The following PHACTR2 variants were observed in gnomAD, a reference collection of about 807,000 sequenced individuals.
PHACTR2 encodes the protein chromosome 6 open reading frame 56.
PHACTR2 carries 30 observed loss-of-function variants against 76.0 expected under a neutral mutation model. That is an observed-to-expected ratio of 0.39 (90% CI 0.30 to 0.54). The LOEUF is 0.54. PHACTR2 is among the 20% of genes least tolerant of loss of function. The pLI, the probability that PHACTR2 is intolerant of heterozygous loss-of-function variation, is 0.61. For synonymous variants in PHACTR2, 292 were observed against 292.5 expected, an observed-to-expected ratio of 1.00 and a Z score of 0.02; for missense variants, 696 against 781.1, an observed-to-expected ratio of 0.89 and a Z score of 1.30.
chr6:143,551,869 C>A (rs1775100548), intron 1 of PHACTR2, among the ~76,000 whole-genome samples: 1 of 152,132 alleles, frequency 6.6e-6, no homozygotes, highest in Non-Finnish European at 1.5e-5. Context: ...CTTTGACTTG[C>A]TGGTTGGATT....
Position 143,742,270 on chromosome 6 carries a change from A to G in PHACTR2, c.215-6715A>G, listed in dbSNP as rs530986232. On this transcript the variant is annotated intron_variant, in intron 2 of 12. Transcript: ENST00000440869. This position sits in a 1 kb window ranked among gnomAD's most constrained non-coding sequence, Gnocchi z 4.5. ...CAGGCGTGGTTGGATCCAGGTGCTT[A>G]CAAGCTATCTCATTAAGAACCTGTC... 1.6e-4 allele frequency among the ~76,000 whole-genome samples: 24 copies of G among 152,186 alleles called. No homozygotes were observed. Among genetic ancestry groups the G allele is most frequent in the Non-Finnish European group, 2.9e-4 (20 of 68,032 alleles).
At chr6:143,657,222 C>T (rs1192537844) in intron 1 of PHACTR2, among the ~76,000 whole-genome samples, 1 of 150,872 alleles carries the variant, frequency 6.6e-6, no homozygotes, top group Admixed American at 6.6e-5. Flanking sequence ...GCACATTCTG[C>T]ACATGTATCC....
chr6:143,631,364 A>C (rs1225629805), intron 1 of PHACTR2, among the ~76,000 whole-genome samples: 2 of 151,946 alleles, frequency 1.3e-5, no homozygotes, highest in Non-Finnish European at 2.9e-5. Context: ...CTAATTTAAA[A>C]AAAATTTTTT....
At chr6:143,685,584 A>G (rs1475080806) in intron 1 of PHACTR2, among the ~76,000 whole-genome samples, 1 of 151,944 alleles carries the variant, frequency 6.6e-6, no homozygotes, top group Non-Finnish European at 1.5e-5. Flanking sequence ...TTTATAAATG[A>G]GGAAAACCAA....
At position 143,791,213 on chromosome 6, in the gene PHACTR2, T is replaced by C. The variant is rs116538965; in HGVS notation, c.1845+2303T>C. 0.022 allele frequency among the ~76,000 whole-genome samples: 3,403 copies of C among 152,300 alleles called. 47 individuals carry two copies. The highest frequency in any genetic ancestry group is 0.042 in the African/African-American group (1,759 of 41,554). On this transcript the variant is annotated intron_variant, in intron 11 of 12. Transcript: ENST00000440869. The surrounding 1 kb of genome is among the most constrained non-coding windows in gnomAD (Gnocchi z 4.7). The stretch of plus-strand genomic sequence containing the variant: ...TCAGTTTGCTTGGTCATCTGTATTA[T>C]ATGTTTGTTTTCTATGTCATTATTT...
In PHACTR2 at chr6:143,652,232, A is replaced by T. The variant is rs553484361; in HGVS notation, c.13+43910A>T. Reference sequence around the variant, plus strand: ...TCTTGAAATACATTTCTTTAAATACATACCATTTCTTGAAATACATTTATT... The same window carrying T: ...TCTTGAAATACATTTCTTTAAATACTTACCATTTCTTGAAATACATTTATT... On this transcript the variant is annotated intron_variant, in intron 1 of 11. Transcript: ENST00000305766. The surrounding 1 kb of genome is among the most constrained non-coding windows in gnomAD (Gnocchi z 4.5). Among the ~76,000 whole-genome samples, 6 of 152,358 alleles carry T rather than the reference A, an allele frequency of 3.9e-5. No homozygotes were observed. In the East Asian group the frequency reaches 1.2e-3, roughly 29 times the overall value.
In PHACTR2 at chr6:143,809,253, C is replaced by T. The variant is rs1776125478; in HGVS notation, c.1922+2120C>T. 6.6e-6 allele frequency among the ~76,000 whole-genome samples: 1 copy of T among 152,158 alleles called. No individual in the cohort carries two copies. The highest frequency in any genetic ancestry group is 2.1e-4 in the South Asian group (1 of 4,826). On this transcript the variant is annotated intron_variant, in intron 12 of 12. Coordinates refer to ENST00000440869, the MANE Select transcript of PHACTR2 (RefSeq NM_001100164.2). The surrounding 1 kb of genome is among the most constrained non-coding windows in gnomAD (Gnocchi z 4.2). ...ATTTTATGAAAAATAAATATTTATA[C>T]TAAAAGAGGTTCTTTCTGTTCTGTT...
In PHACTR2 at chr6:143,731,423, G is replaced by C. The variant is rs960886414; in HGVS notation, c.215-17562G>C. 6.6e-6 allele frequency among the ~76,000 whole-genome samples: 1 copy of C among 152,150 alleles called. No individual in the cohort carries two copies. Among genetic ancestry groups the C allele is most frequent in the Admixed American group, 6.5e-5 (1 of 15,280 alleles). ...CTGCCTCAGCCTCCGGAGTAGCTGG[G>C]ATTATAGGCATGAGCCACCACGCCC... On this transcript the variant is annotated intron_variant, in intron 2 of 12. Transcript: ENST00000440869. This position sits in a 1 kb window ranked among gnomAD's most constrained non-coding sequence, Gnocchi z 4.9.
At chr6:143,644,640 A>G (rs975571842) in intron 1 of PHACTR2, among the ~76,000 whole-genome samples, 4 of 152,012 alleles carry the variant, frequency 2.6e-5, no homozygotes, top group Admixed American at 2.0e-4. Context: ...CTTTAAAGTC[A>G]GGATATGTAT....
At chr6:143,649,513 C>T (rs1261476106) in intron 1 of PHACTR2, among the ~76,000 whole-genome samples, 1 of 152,176 alleles carries the variant, frequency 6.6e-6, no homozygotes, top group Non-Finnish European at 1.5e-5. Flanking sequence ...TAGGCTTCAT[C>T]CTCAGGATGC....
At position 143,757,314 on chromosome 6, in the gene PHACTR2, G is replaced by A. The variant is rs1037587742; in HGVS notation, c.455-3087G>A. Among the ~76,000 whole-genome samples, 1 of 152,224 alleles carries A rather than the reference G, an allele frequency of 6.6e-6. No homozygotes were observed. The highest frequency in any genetic ancestry group is 1.5e-5 in the Non-Finnish European group (1 of 68,042). On this transcript the variant is annotated intron_variant, in intron 4 of 12. Coordinates refer to ENST00000440869, the MANE Select transcript of PHACTR2 (RefSeq NM_001100164.2). The surrounding 1 kb of genome is among the most constrained non-coding windows in gnomAD (Gnocchi z 4.2). ...CAAACGGGCAATTGTAGTGCAAGATGCGAAGTACCGTAGAAGGCCTGAGCA... is the reference window on the plus strand; with the variant it reads ...CAAACGGGCAATTGTAGTGCAAGATACGAAGTACCGTAGAAGGCCTGAGCA...
intron 6 of PHACTR2, among the ~76,000 whole-genome samples, chr6:143,771,323 T>C (rs962139432): frequency 1.4e-5 from 2 of 146,072 alleles, no homozygotes; most frequent in Non-Finnish European, 3.0e-5. Flanking sequence ...GCAGTCTCGA[T>C]TTCCCAGGCT....
At chr6:143,612,369 G>A (rs183383409) in intron 1 of PHACTR2, among the ~76,000 whole-genome samples, 231 of 152,316 alleles carry the variant, frequency 1.5e-3, no homozygotes, top group Non-Finnish European at 2.2e-3. Context: ...TCATGCCAAA[G>A]TTCCTGAACA....
chr6:143,602,289 A>G lies in PHACTR2; in HGVS notation c.217+65082A>G, dbSNP rs1775822013. ...AGGGCATACTGCCGATCCAGTATTT[A>G]GGGACCCACGTGAAGCTTAGTTAAT... On this transcript the variant is annotated intron_variant, in intron 1 of 11. Transcript: ENST00000367584. This position sits in a 1 kb window ranked among gnomAD's most constrained non-coding sequence, Gnocchi z 6.1. 6.6e-6 allele frequency among the ~76,000 whole-genome samples: 1 copy of G among 152,204 alleles called. No individual in the cohort carries two copies. The highest frequency in any genetic ancestry group is 2.4e-5 in the African/African-American group (1 of 41,444).
upstream of PHACTR2, among the ~76,000 whole-genome samples, chr6:143,604,113 A>G (rs1028170263): frequency 9.9e-5 from 15 of 151,248 alleles, no homozygotes; most frequent in African/African-American, 2.2e-4. Flanking sequence ...AAAAAAAAAA[A>G]AGAGAAAAGA....
In PHACTR2 at chr6:143,709,313, CT is replaced by C. The variant is rs1778117791; in HGVS notation, c.47-2702del. On this transcript the variant is annotated intron_variant, in intron 1 of 12. Transcript: ENST00000440869. The surrounding 1 kb of genome is among the most constrained non-coding windows in gnomAD (Gnocchi z 4.4). ...AGCAATGCACAGTGTCTGCCCATCT[CT>C]GCCCAGATAGTACCTGAAATTAGAG... Among the ~76,000 whole-genome samples the C allele has an allele frequency of 6.6e-6, 1 of 152,202 alleles. No individual in the cohort carries two copies.
At position 143,765,674 on chromosome 6, in the gene PHACTR2, G is replaced by A. The variant is rs201153372; in HGVS notation, c.1108G>A (p.Val370Ile). The change falls in exon 6 of 13, where the codon GTT (valine) becomes ATT (isoleucine). Residue 370 changes from valine (V) to isoleucine (I), a missense_variant. Coordinates refer to ENST00000440869, the MANE Select transcript of PHACTR2 (RefSeq NM_001100164.2). This position sits in a 1 kb window ranked among gnomAD's most constrained non-coding sequence, Gnocchi z 4.1. ...AGACACTCCAGTTGTCCTCGTCAGC[G>A]TTGGAGCTGACCTGCCCGTCTCTGC... Reference protein sequence around the residue: ...ASDTPVVLVSVGADLPVSALD... With the variant: ...ASDTPVVLVSIGADLPVSALD... 50 of 1,614,044 alleles carry A rather than the reference G, an allele frequency of 3.1e-5. No individual in the cohort carries two copies. The highest frequency in any genetic ancestry group is 2.0e-4 in the East Asian group (9 of 44,880).
At chr6:143,745,454 A>T (rs1779037697) in intron 2 of PHACTR2, among the ~76,000 whole-genome samples, 1 of 152,230 alleles carries the variant, frequency 6.6e-6, no homozygotes, top group South Asian at 2.1e-4. Flanking sequence ...GATTTTAAGC[A>T]GGTGAGCACA....
chr6:143,584,247 C>T (rs1775601751), intron 1 of PHACTR2, among the ~76,000 whole-genome samples: 1 of 152,176 alleles, frequency 6.6e-6, no homozygotes, highest in Admixed American at 6.5e-5. Context: ...CCGTCATGGA[C>T]TGGGACCAGA....
Sources: allele counts gnomAD v4.1 joint callset (sites outside exome capture counted in the v4.1 genomes callset), GRCh38; gene constraint gnomAD v4.1.1; non-coding constraint Gnocchi (gnomAD v3.1); transcripts MANE v1.5; gene names NCBI Gene and HGNC (gene_info 2026-07-23, HGNC 2026-07-21).